Variants in NRG1 observed in about 807,000 individuals in gnomAD.
NRG1 encodes neuregulin 1.
A neutral mutation model predicts 63.8 loss-of-function variants in NRG1; 18 were observed. The ratio of observed to expected loss-of-function variants is 0.28; its 90% CI spans 0.19 to 0.42. The LOEUF (loss-of-function observed/expected upper bound fraction) is 0.42. NRG1 is among the 10% of genes least tolerant of loss of function. NRG1 has a pLI of 1.00. For synonymous variants in NRG1, 302 were observed against 301.3 expected (o/e 1.00, Z -0.02); for missense variants, 762 against 814.7 (o/e 0.94, Z 0.79).
chr8:32,298,822 A>G (rs1855231266), intron 1 of NRG1, among the ~76,000 whole-genome samples: 1 of 151,596 alleles, frequency 6.6e-6, no homozygotes, highest in African/African-American at 2.4e-5. Context: ...AGGTCAAGAG[A>G]TCAAGAACAT....
intron 1 of NRG1, among the ~76,000 whole-genome samples, chr8:31,888,781 C>A (rs1289852406): frequency 6.6e-6 from 1 of 151,974 alleles, no homozygotes; most frequent in African/African-American, 2.4e-5. Context: ...TTATATATCA[C>A]CACCATTAAT....
Position 32,075,474 on chromosome 8 carries a change from A to G in NRG1, c.37+436043A>G, listed in dbSNP as rs1315862341. Among the ~76,000 whole-genome samples, 11 of 152,122 alleles carry G rather than the reference A, an allele frequency of 7.2e-5. No homozygotes were observed. In the East Asian group the frequency reaches 1.7e-3, roughly 24 times the overall value. On this transcript the variant is annotated intron_variant, in intron 1 of 10. Transcript: ENST00000519301. ...GGGTAATTTCTCTCCTTTTTTTCCA[A>G]TGTATTCCAGAACCCCCATGGATAT...
rs1015527495 is a variant in NRG1 at position 32,266,988 on chromosome 8, G to T, written c.38-328840G>T. Among the ~76,000 whole-genome samples the T allele has an allele frequency of 2.2e-4, 33 of 151,930 alleles. 1 individual carries two copies. Among genetic ancestry groups the T allele is most frequent in the Non-Finnish European group, 7.4e-5 (5 of 67,996 alleles). On this transcript the variant is annotated intron_variant, in intron 1 of 10. Coordinates refer to the NRG1 transcript ENST00000519301. The stretch of plus-strand genomic sequence containing the variant: ...CACTTGAACCTGGGAGGCGGAGGTG[G>T]CAGTGAGCCAAGATTGCGCCACTGC...
At chr8:32,006,139 C>T (rs900446471) in intron 1 of NRG1, among the ~76,000 whole-genome samples, 1 of 151,920 alleles carries the variant, frequency 6.6e-6, no homozygotes, top group African/African-American at 2.4e-5. Flanking sequence ...TTGAATGGGT[C>T]ATATTTCTCC....
intron 1 of NRG1, among the ~76,000 whole-genome samples, chr8:32,087,482 C>CTTTTTTTTTTTTTT (rs67438409): frequency 7.4e-4 from 67 of 90,268 alleles, no homozygotes; most frequent in Non-Finnish European, 1.0e-3. Context: ...TCTTTTCTTT[C>CTTTTTTTTTTTTTT]TTTTTTTTTT....
chr8:32,235,429 A>G (rs1002014591), intron 1 of NRG1, among the ~76,000 whole-genome samples: 4 of 152,050 alleles, frequency 2.6e-5, no homozygotes, highest in Non-Finnish European at 5.9e-5. Flanking sequence ...TTGGAGAGCC[A>G]GTGGCTGACA....
intron 1 of NRG1, among the ~76,000 whole-genome samples, chr8:32,551,406 G>A (rs1834079876): frequency 6.6e-6 from 1 of 152,194 alleles, no homozygotes. Context: ...CTCTTCAGCT[G>A]TTTTAACATT....
At chr8:31,711,015 G>A (rs974366710) in intron 1 of NRG1, among the ~76,000 whole-genome samples, 9 of 151,936 alleles carry the variant, frequency 5.9e-5, no homozygotes, top group African/African-American at 1.9e-4. Context: ...TTAACCTTTT[G>A]TAAACTATGT....
At chr8:31,734,394 G>A (rs1316385584) in intron 1 of NRG1, among the ~76,000 whole-genome samples, 1 of 152,084 alleles carries the variant, frequency 6.6e-6, no homozygotes, top group Non-Finnish European at 1.5e-5. Context: ...CTTTCCTCGG[G>A]CATCAGAGTC....
chr8:31,800,600 TG>T lies in NRG1; in HGVS notation c.37+161170del, dbSNP rs1208326815. ...TGGGAATTAAAAGTGCTTTAAGTGG[TG>T]TTGCTAAACAAACATTTCTAAAGAG... On this transcript the variant is annotated intron_variant, in intron 1 of 10. Coordinates refer to the NRG1 transcript ENST00000519301. Among the ~76,000 whole-genome samples, 6 of 152,328 alleles carry T rather than the reference TG, an allele frequency of 3.9e-5. No homozygotes were observed. In the East Asian group the frequency reaches 9.6e-4, roughly 24 times the overall value.
intron 1 of NRG1, among the ~76,000 whole-genome samples, chr8:31,803,506 C>A (rs1821988908): frequency 6.6e-6 from 1 of 152,140 alleles, no homozygotes; most frequent in South Asian, 2.1e-4. Context: ...ACTAGTGGAC[C>A]ATATTGAATT....
In NRG1 at chr8:32,225,175, A is replaced by G. The variant is rs551022815; in HGVS notation, c.38-370653A>G. Among the ~76,000 whole-genome samples, 7 of 152,288 alleles carry G rather than the reference A, an allele frequency of 4.6e-5. No individual in the cohort carries two copies. In the East Asian group the frequency reaches 1.4e-3, roughly 29 times the overall value. ...TCTTTTTTCTTCCAGTGAAATGCAA[A>G]ACCTGCTACCTCCCTGGAGCTATTA... On this transcript the variant is annotated intron_variant, in intron 1 of 10. Coordinates refer to the NRG1 transcript ENST00000519301.
intron 1 of NRG1, among the ~76,000 whole-genome samples, chr8:31,793,243 T>C (rs1483894126): frequency 6.6e-6 from 1 of 152,186 alleles, no homozygotes; most frequent in Non-Finnish European, 1.5e-5. Flanking sequence ...ATGAAGTAGA[T>C]TCACTAGCAG....
chr8:32,407,321 A>G (rs1372468438), intron 1 of NRG1, among the ~76,000 whole-genome samples: 10 of 48,468 alleles, frequency 2.1e-4, no homozygotes, highest in Non-Finnish European at 4.1e-4. Flanking sequence ...TATATATATT[A>G]TATATATATA....
intron 1 of NRG1, among the ~76,000 whole-genome samples, chr8:31,657,435 G>A (rs1324912788): frequency 1.3e-5 from 2 of 152,124 alleles, no homozygotes; most frequent in Non-Finnish European, 2.9e-5. Context: ...TCTGATCTTG[G>A]ACAGACCAAT....
At chr8:31,918,780 C>G (rs1833637278) in intron 1 of NRG1, among the ~76,000 whole-genome samples, 1 of 152,140 alleles carries the variant, frequency 6.6e-6, no homozygotes, top group South Asian at 2.1e-4. Context: ...AGGAATGGTA[C>G]CAGTTCCTCC....
chr8:32,616,224 C>T (rs543852820), intron 4 of NRG1, among the ~76,000 whole-genome samples: 1 of 151,750 alleles, frequency 6.6e-6, no homozygotes, highest in South Asian at 2.1e-4. Context: ...TCTTTGCTAC[C>T]TGAGAAAATC....
chr8:32,108,882 A>T (rs990329064), intron 1 of NRG1, among the ~76,000 whole-genome samples: 13 of 152,186 alleles, frequency 8.5e-5, no homozygotes, highest in Non-Finnish European at 1.3e-4. Context: ...CCTGTTTCAG[A>T]CTGCTGCAGA....
chr8:32,541,005 G>T (rs1832522728), intron 1 of NRG1, among the ~76,000 whole-genome samples: 1 of 152,108 alleles, frequency 6.6e-6, no homozygotes, highest in Non-Finnish European at 1.5e-5. Flanking sequence ...GTTAATACTT[G>T]TGAAATTCTT....
Sources: allele counts gnomAD v4.1 joint callset (sites outside exome capture counted in the v4.1 genomes callset), GRCh38; gene constraint gnomAD v4.1.1; transcripts MANE v1.5; gene names NCBI Gene and HGNC (gene_info 2026-07-23, HGNC 2026-07-21).